NPAS2: variants seen among roughly 807,000 people sequenced by gnomAD.
NPAS2 encodes the protein neuronal PAS domain-containing protein 2.
In NPAS2, 23 loss-of-function variants were observed where a neutral mutation model predicts 107.5. The ratio of observed to expected loss-of-function variants is 0.21; its 90% CI spans 0.15 to 0.30. The LOEUF is 0.30. Among genes scored for constraint, NPAS2 ranks in the 10% least tolerant of loss-of-function variants. The pLI is 1.00. For synonymous variants in NPAS2, 403 were observed against 417.5 expected, an observed-to-expected ratio of 0.97 and a Z score of 0.42; for missense variants, 756 against 1,043.3, an observed-to-expected ratio of 0.72 and a Z score of 3.79.
chr2:100,911,516 C>T (rs1035072126), intron 2 of NPAS2, among the ~76,000 whole-genome samples: 10 of 152,192 alleles, frequency 6.6e-5, no homozygotes, highest in Admixed American at 1.3e-4. Flanking sequence ...CCTCCGCTTC[C>T]CAGGTTCAAG....
At chr2:100,862,639 G>C (rs1236875332) in intron 1 of NPAS2, among the ~76,000 whole-genome samples, 1 of 152,090 alleles carries the variant, frequency 6.6e-6, no homozygotes, top group Non-Finnish European at 1.5e-5. Flanking sequence ...GTTTGCCCAG[G>C]TTATCCACAC....
chr2:100,869,103 A>ATTT (rs10608079), intron 1 of NPAS2, among the ~76,000 whole-genome samples: 8 of 147,182 alleles, frequency 5.4e-5, no homozygotes, highest in Non-Finnish European at 9.0e-5. Context: ...TAATTTTTGT[A>ATTT]TTTTTTTTTT....
chr2:100,927,779 T>C (rs768586459), intron 3 of NPAS2, among the ~76,000 whole-genome samples: 2 of 152,198 alleles, frequency 1.3e-5, no homozygotes, highest in South Asian at 4.1e-4. Context: ...TTTCCTCTCC[T>C]TCAAACACTT....
At chr2:100,914,536 C>T (rs1464560148) in intron 2 of NPAS2, among the ~76,000 whole-genome samples, 2 of 152,128 alleles carry the variant, frequency 1.3e-5, no homozygotes, top group Admixed American at 6.5e-5. Context: ...AAGGGCCTGC[C>T]CAGTTCGTCT....
intron 1 of NPAS2, chr2:100,821,070 C>A: frequency 7.7e-7 from 1 of 1,304,220 alleles, no homozygotes; most frequent in Non-Finnish European, 1.0e-6. Context: ...CCTTTCCCAG[C>A]CGAGGAGGGA....
At chr2:100,874,228 G>A (rs1404285100) in intron 1 of NPAS2, among the ~76,000 whole-genome samples, 4 of 151,780 alleles carry the variant, frequency 2.6e-5, no homozygotes, top group South Asian at 2.1e-4. Context: ...CAAGCAATCC[G>A]CCTGCCTCGG....
chr2:100,951,691 A>C (rs1299093528), intron 7 of NPAS2, among the ~76,000 whole-genome samples: 5 of 152,070 alleles, frequency 3.3e-5, no homozygotes, highest in South Asian at 4.1e-4. Context: ...GGGAAATGGG[A>C]GTTGCTAAAT....
At chr2:100,978,819 T>C (rs1440939167) in intron 15 of NPAS2, among the ~76,000 whole-genome samples, 1 of 152,110 alleles carries the variant, frequency 6.6e-6, no homozygotes, top group Non-Finnish European at 1.5e-5. Flanking sequence ...GACGCTTGAG[T>C]TGGCCCCGGA....
intron 1 of NPAS2, among the ~76,000 whole-genome samples, chr2:100,892,602 AG>A (rs1681144636): frequency 6.6e-6 from 1 of 152,224 alleles, no homozygotes; most frequent in African/African-American, 2.4e-5. Context: ...TGCCGTTTCC[AG>A]GTCAGAGAAT....
chr2:100,821,045 G>T, intron 1 of NPAS2: 4 of 1,303,850 alleles, frequency 3.1e-6, no homozygotes, highest in Non-Finnish European at 4.0e-6. Context: ...GTATGGTTTT[G>T]TTGGGAGATG....
At chr2:100,934,410 G>A (rs1169420859) in intron 4 of NPAS2, among the ~76,000 whole-genome samples, 2 of 151,908 alleles carry the variant, frequency 1.3e-5, no homozygotes, top group African/African-American at 2.4e-5. Context: ...GGGGCTAGAA[G>A]ACGGGACTGA....
intron 1 of NPAS2, among the ~76,000 whole-genome samples, chr2:100,831,935 G>A (rs567914317): frequency 5.9e-5 from 9 of 152,008 alleles, no homozygotes; most frequent in African/African-American, 9.6e-5. Context: ...TTTTGCCTTC[G>A]TTTGCTGTCA....
At position 100,988,156 on chromosome 2, in the gene NPAS2, A is replaced by G; in HGVS notation, c.1707A>G (p.Gln569=). ...CTGAGGCTCAGCAGCAGCTACAGCA[A>G]AGGTCAGCTGCAGTGACTCAGCCCC... ...QRPEAQQQLQ[Q]RSAAVTQPQL... The change falls in exon 17 of 21, where the codon CAA becomes CAG. Residue 569 remains glutamine (Q), a synonymous_variant. Coordinates refer to ENST00000335681, the MANE Select transcript of NPAS2 (RefSeq NM_002518.4). The G allele has an allele frequency of 6.2e-7, 1 of 1,614,240 alleles. No homozygotes were observed. The highest frequency in any genetic ancestry group is 8.5e-7 in the Non-Finnish European group (1 of 1,180,030).
chr2:100,877,614 G>A (rs532891327), intron 1 of NPAS2, among the ~76,000 whole-genome samples: 1 of 152,256 alleles, frequency 6.6e-6, no homozygotes, highest in South Asian at 2.1e-4. Flanking sequence ...TTTTCACGGG[G>A]GACCTTGTCA....
chr2:100,884,120 T>C (rs1680556431), intron 1 of NPAS2, among the ~76,000 whole-genome samples: 1 of 152,218 alleles, frequency 6.6e-6, no homozygotes, highest in Non-Finnish European at 1.5e-5. Flanking sequence ...TGGGGTTTTC[T>C]AAACTCAGTA....
At chr2:100,927,273 TATTTG>T (rs1432657347) in intron 3 of NPAS2, among the ~76,000 whole-genome samples, 1 of 152,198 alleles carries the variant, frequency 6.6e-6, no homozygotes, top group Non-Finnish European at 1.5e-5. Context: ...TAAGCATAGA[TATTTG>T]ATCCATTTTG....
chr2:100,989,112 CAAATG>C (rs1342187172), intron 17 of NPAS2: 1 of 163,438 alleles, frequency 6.1e-6, no homozygotes, highest in African/African-American at 2.4e-5. Flanking sequence ...AAATGGCACT[CAAATG>C]GAATGGAATT....
intron 12 of NPAS2, among the ~76,000 whole-genome samples, chr2:100,972,019 C>T (rs1676608393): frequency 1.3e-5 from 2 of 150,882 alleles, no homozygotes; most frequent in South Asian, 2.1e-4. Flanking sequence ...TCGATCTCGG[C>T]TCACTGCAAA....
At chr2:100,939,648 T>C (rs1674462862) in intron 5 of NPAS2, among the ~76,000 whole-genome samples, 1 of 152,174 alleles carries the variant, frequency 6.6e-6, no homozygotes, top group Non-Finnish European at 1.5e-5. Flanking sequence ...TGGTAGGCAC[T>C]GACCGAAAGC....
Sources: allele counts gnomAD v4.1 joint callset (sites outside exome capture counted in the v4.1 genomes callset), GRCh38; gene constraint gnomAD v4.1.1; transcripts MANE v1.5; gene names NCBI Gene and HGNC (gene_info 2026-07-23, HGNC 2026-07-21).